Variants in CD96 observed in about 807,000 individuals in gnomAD.
CD96 encodes T-cell surface protein tactile.
A neutral mutation model predicts 71.3 loss-of-function variants in CD96; 70 were observed. The ratio of observed to expected loss-of-function variants is 0.98; its 90% confidence interval spans 0.81 to 1.20. The LOEUF (loss-of-function observed/expected upper bound fraction) is 1.20, where lower values mean the gene tolerates loss of function less well. Among genes scored for constraint, CD96 ranks in the 50% most tolerant of loss-of-function variants. CD96 has a pLI of 0.00. For missense variants in CD96, 742 were observed against 677.5 expected (o/e 1.10, Z -1.06); for synonymous variants, 248 against 233.0 (o/e 1.06, Z -0.59).
At position 111,630,604 on chromosome 3, in the gene CD96, A is replaced by C. The variant is rs1576412789; in HGVS notation, c.1321+6200A>C. On this transcript the variant is annotated intron_variant, in intron 10 of 13. Coordinates refer to ENST00000352690, the MANE Select transcript of CD96 (RefSeq NM_005816.5). ...ACAAAGAAGAACTGGTACCATTCCTACTGAAACCATTCTAAAAAATTTAAA... is the reference window on the plus strand; with the variant it reads ...ACAAAGAAGAACTGGTACCATTCCTCCTGAAACCATTCTAAAAAATTTAAA... 2.6e-5 allele frequency among the ~76,000 whole-genome samples: 4 copies of C among 152,270 alleles called. No individual in the cohort carries two copies. The South Asian group carries it at 8.3e-4, about 32-fold the overall frequency.
intron 7 of CD96, among the ~76,000 whole-genome samples, chr3:111,601,914 T>A (rs1387855669): frequency 1.3e-5 from 2 of 152,234 alleles, no homozygotes. Flanking sequence ...CAGAAGCAGG[T>A]GTGATTCTGA....
chr3:111,585,648 T>C (rs1302976375), intron 5 of CD96, among the ~76,000 whole-genome samples: 1 of 152,236 alleles, frequency 6.6e-6, no homozygotes, highest in Non-Finnish European at 1.5e-5. Context: ...TAAACTTCTC[T>C]TTTATAAAAA....
chr3:111,631,518 A>G (rs1233281972), intron 10 of CD96, among the ~76,000 whole-genome samples: 2 of 152,228 alleles, frequency 1.3e-5, no homozygotes, highest in Admixed American at 1.3e-4. Context: ...AAAACATTCC[A>G]TGCACATGGG....
At chr3:111,611,985 C>T (rs1179217320) in intron 8 of CD96, among the ~76,000 whole-genome samples, 4 of 152,104 alleles carry the variant, frequency 2.6e-5, no homozygotes, top group Non-Finnish European at 4.4e-5. Context: ...TTGATGAGGC[C>T]GATTCAAATG....
chr3:111,644,135 G>A (rs986581923), intron 12 of CD96, among the ~76,000 whole-genome samples: 19 of 152,032 alleles, frequency 1.2e-4, no homozygotes, highest in South Asian at 2.1e-4. Context: ...TATAAAATAC[G>A]CACATAGACC....
At chr3:111,561,521 GGGGGTCA>G (rs1193260471) in intron 2 of CD96, among the ~76,000 whole-genome samples, 1 of 147,950 alleles carries the variant, frequency 6.8e-6, no homozygotes. Context: ...TAGGCTGCTC[GGGGGTCA>G]GGGGTCAGGG....
At chr3:111,574,802 A>T (rs1195111063) in intron 3 of CD96, among the ~76,000 whole-genome samples, 3 of 144,408 alleles carry the variant, frequency 2.1e-5, no homozygotes, top group African/African-American at 5.2e-5. Context: ...TTTTTTTTTG[A>T]GGCAGTGTCT....
intron 2 of CD96, among the ~76,000 whole-genome samples, chr3:111,552,953 A>G (rs914664571): frequency 6.6e-6 from 1 of 152,110 alleles, no homozygotes; most frequent in African/African-American, 2.4e-5. Context: ...CAACTTCAAC[A>G]ATTATCAACT....
At position 111,583,650 on chromosome 3, in the gene CD96, C is replaced by T. The variant is rs1033811499; in HGVS notation, c.752-1673C>T. 3.3e-5 allele frequency among the ~76,000 whole-genome samples: 5 copies of T among 152,246 alleles called. No homozygotes were observed. The East Asian group carries it at 7.7e-4, about 23-fold the overall frequency. On this transcript the variant is annotated intron_variant, in intron 4 of 13. Transcript: ENST00000352690. ...GACTTCTCTGCACGCACAGGCTCAA[C>T]ACCATGTGGAAGCTGCCAAGGCTTG... is the stretch of plus-strand genomic sequence containing the variant.
At chr3:111,610,629 A>G (rs1937873070) in intron 8 of CD96, among the ~76,000 whole-genome samples, 2 of 152,218 alleles carry the variant, frequency 1.3e-5, no homozygotes, top group Admixed American at 6.5e-5. Flanking sequence ...GCCCAGCTCA[A>G]TTCAACCTGA....
At chr3:111,558,828 A>T (rs1298021735) in intron 2 of CD96, among the ~76,000 whole-genome samples, 1 of 148,518 alleles carries the variant, frequency 6.7e-6, no homozygotes, top group African/African-American at 2.5e-5. Context: ...CTGTGAATCC[A>T]TCTGGTCCTG....
chr3:111,633,128 G>GA (rs940523625), intron 10 of CD96, among the ~76,000 whole-genome samples: 15 of 152,124 alleles, frequency 9.9e-5, no homozygotes, highest in African/African-American at 3.6e-4. Flanking sequence ...TGAATACTTA[G>GA]AGGCTGTTTT....
At chr3:111,660,932 T>C (rs979237216) in intron 14 of CD96, among the ~76,000 whole-genome samples, 1 of 152,164 alleles carries the variant, frequency 6.6e-6, no homozygotes, top group Non-Finnish European at 1.5e-5. Context: ...ATCTAGGAAA[T>C]ACTATTGATG....
At chr3:111,565,343 ATCT>A (rs1935656692) in intron 2 of CD96, among the ~76,000 whole-genome samples, 2 of 152,020 alleles carry the variant, frequency 1.3e-5, no homozygotes, top group South Asian at 4.1e-4. Context: ...TACCCTATTT[ATCT>A]TCTTTGTTTT....
rs77738677 is a variant in CD96 at position 111,623,753 on chromosome 3, G to A, written c.1181-1G>A. On this transcript the variant is annotated splice_acceptor_variant, in intron 8 of 13. Transcript: ENST00000352690. LOFTEE classifies it high-confidence loss of function. Reference sequence around the variant, plus strand: ...ATTTGGGAATTTTATTTTCAAAATAGGATATCCAGCTACATCTTCAGTGAC... The same window carrying A: ...ATTTGGGAATTTTATTTTCAAAATAAGATATCCAGCTACATCTTCAGTGAC... 1,188 of 1,598,502 alleles carry A rather than the reference G, an allele frequency of 7.4e-4. 14 individuals are homozygous for A. The African/African-American group carries it at 0.014, about 18-fold the overall frequency.
intron 5 of CD96, among the ~76,000 whole-genome samples, chr3:111,586,585 G>C (rs947118876): frequency 6.6e-6 from 1 of 152,196 alleles, no homozygotes; most frequent in Non-Finnish European, 1.5e-5. Context: ...TGGACTTACA[G>C]TTGCACATAG....
chr3:111,642,030 C>G (rs1037318682), intron 12 of CD96, among the ~76,000 whole-genome samples: 15 of 152,114 alleles, frequency 9.9e-5, no homozygotes, highest in African/African-American at 3.1e-4. Context: ...GCCCTAAACA[C>G]CTACAACAAA....
chr3:111,585,329 C>G lies in CD96; in HGVS notation c.758C>G (p.Pro253Arg), dbSNP rs1936658610. The G allele has an allele frequency of 1.2e-6, 2 of 1,609,544 alleles. No homozygotes were observed. Among genetic ancestry groups the G allele is most frequent in the East Asian group, 4.5e-5 (2 of 44,824 alleles). Residue 253 changes from proline to arginine, a missense_variant, in exon 5 of 14, where the codon CCA becomes CGA. Pro to Arg is a moderately radical substitution (Grantham distance 103). Coordinates refer to ENST00000352690, the MANE Select transcript of CD96 (RefSeq NM_005816.5). ...SSTTVKVFAK[P>R]EIPVIVENNS... ...TGTTTTATTTGCCTTTAAGCTAAAC[C>G]AGAAATCCCTGTGATTGTGGAAAAT...
intron 8 of CD96, among the ~76,000 whole-genome samples, chr3:111,613,514 A>G (rs79467683): frequency 0.024 from 3,704 of 152,316 alleles, 175 homozygotes; most frequent in African/African-American, 0.085. Context: ...CTGACCACAC[A>G]GATTGATGAA....
Sources: gnomAD v4.1 joint callset for allele counts (sites outside exome capture counted in the v4.1 genomes callset) on GRCh38, gnomAD v4.1.1 for gene constraint, MANE v1.5 for transcripts, NCBI Gene and HGNC (gene_info 2026-07-23, HGNC 2026-07-21) for gene names.